EFHC1: variants seen among roughly 807,000 people sequenced by gnomAD.
EFHC1 encodes EF-hand domain containing 1, also known as EF-hand domain-containing protein 1.
EFHC1 carries 53 observed loss-of-function variants against 69.9 expected under a neutral mutation model. The ratio of observed to expected loss-of-function variants is 0.76; its 90% CI spans 0.61 to 0.95. The LOEUF (loss-of-function observed/expected upper bound fraction) is 0.95, where lower values mean the gene tolerates loss of function less well. EFHC1 is among the 40% of genes least tolerant of loss of function. The pLI, the probability that EFHC1 is intolerant of heterozygous loss-of-function variation, is 0.00. For synonymous variants in EFHC1, 256 were observed against 278.4 expected (o/e 0.92, Z 0.80); for missense variants, 739 against 798.7 (o/e 0.93, Z 0.90).
At chr6:52,454,007 T>C (rs1344932379) in intron 4 of EFHC1, 88 bp from the exon 5 acceptor site, 2 of 1,605,718 alleles carry the variant, frequency 1.2e-6, no homozygotes, top group East Asian at 4.5e-5. Context: ...CAGCTAGTCT[T>C]TCCATCGTTG....
At position 52,438,479 on chromosome 6, in the gene EFHC1, T is replaced by C. The variant is rs1764585137; in HGVS notation, c.461T>C (p.Leu154Pro). Residue 154 changes from leucine (L) to proline (P), a missense_variant, in exon 3 of 11, where the codon CTA becomes CCA. Transcript: ENST00000371068. ...GGCAAGTTAATAAAACGCCAGCGGC[T>C]AGCCAAGAATGACCGGGGTGACCAT... ...LQGKLIKRQR[L>P]AKNDRGDHYH... 1 of 1,613,978 alleles carries C rather than the reference T, an allele frequency of 6.2e-7. No homozygotes were observed. The highest frequency in any genetic ancestry group is 8.5e-7 in the Non-Finnish European group (1 of 1,179,994).
At chr6:52,445,987 G>T (rs879214300) in intron 3 of EFHC1, among the ~76,000 whole-genome samples, 1 of 152,166 alleles carries the variant, frequency 6.6e-6, no homozygotes, top group Non-Finnish European at 1.5e-5. Flanking sequence ...CAACTATGTG[G>T]TCAATTTTGG....
intron 9 of EFHC1, chr6:52,486,886 C>T (rs1452159427): frequency 6.6e-6 from 1 of 152,072 alleles, no homozygotes; most frequent in Non-Finnish European, 1.5e-5. Context: ...GTATAATGGA[C>T]TCTTCTCATT....
At chr6:52,441,120 C>T (rs560921733) in intron 3 of EFHC1, among the ~76,000 whole-genome samples, 76 of 152,066 alleles carry the variant, frequency 5.0e-4, no homozygotes, top group Admixed American at 4.6e-4. Flanking sequence ...TTTTGCTCTG[C>T]GGAAGCTCTT....
chr6:52,488,957 G>A (rs1765841405), intron 9 of EFHC1: 1 of 152,136 alleles, frequency 6.6e-6, no homozygotes, highest in African/African-American at 2.4e-5. Context: ...TCTTATAGAT[G>A]TATCTTTGCA....
chr6:52,478,047 C>T (rs1269654012), intron 7 of EFHC1, among the ~76,000 whole-genome samples: 1 of 152,046 alleles, frequency 6.6e-6, no homozygotes, highest in East Asian at 1.9e-4. Context: ...CAATGATAGA[C>T]TGGATTAAGA....
rs1386650558 is a variant in EFHC1, at chr6:52,494,969, T to G, written c.*2628T>G. 1 of 454,082 alleles carries G rather than the reference T, an allele frequency of 2.2e-6. No homozygotes were observed. The highest frequency in any genetic ancestry group is 2.3e-5 in the Admixed American group (1 of 42,582). 28.1% of individuals were successfully genotyped at this position (454,082 alleles called of 1,614,324 possible). A position where few individuals can be genotyped will look rare whatever the true frequency, so the allele number is the denominator to read the frequency against. On this transcript the variant is annotated 3_prime_UTR_variant, in exon 11 of 11. Transcript: ENST00000371068. Reference sequence around the variant, plus strand: ...TTGATTGGCACCTAGGTTGATTCCATGTCCTTTGCTCAGAGCCCCGTTTTG... The same window carrying G: ...TTGATTGGCACCTAGGTTGATTCCAGGTCCTTTGCTCAGAGCCCCGTTTTG...
intron 2 of EFHC1, among the ~76,000 whole-genome samples, chr6:52,435,199 A>G (rs551583888): frequency 2.0e-4 from 31 of 152,278 alleles, no homozygotes; most frequent in Admixed American, 9.8e-4. Context: ...TTGAATGTCT[A>G]ATAAATATCT....
chr6:52,449,380 C>CAA (rs141155248), intron 3 of EFHC1, among the ~76,000 whole-genome samples: 1,279 of 104,408 alleles, frequency 0.012, 21 homozygotes, highest in African/African-American at 0.037. Context: ...GACTCCATCT[C>CAA]AAAAAAAAAA....
chr6:52,458,368 A>G (rs1765090167), intron 5 of EFHC1, among the ~76,000 whole-genome samples: 1 of 152,236 alleles, frequency 6.6e-6, no homozygotes, highest in South Asian at 2.1e-4. Context: ...CAGAGGAAAC[A>G]GCCTACAGAA....
chr6:52,452,939 A>G, intron 4 of EFHC1, 102 bp downstream of exon 4: 2 of 1,601,614 alleles, frequency 1.2e-6, no homozygotes, highest in Admixed American at 1.7e-5. Context: ...ATTTTGAAAC[A>G]TTACAGCTAT....
In EFHC1 at chr6:52,456,643, G is replaced by A. The variant is rs147938864; in HGVS notation, c.916+2356G>A. On this transcript the variant is annotated intron_variant, in intron 5 of 10. Coordinates refer to ENST00000371068, the MANE Select transcript of EFHC1 (RefSeq NM_018100.4). ...AAAAGTAGGAAACAGGCTGGTCGCTGTGGCCGAAGCCTATAATCCCGTCAC... is the reference window on the plus strand; with the variant it reads ...AAAAGTAGGAAACAGGCTGGTCGCTATGGCCGAAGCCTATAATCCCGTCAC... Among the ~76,000 whole-genome samples the A allele has an allele frequency of 7.0e-4, 106 of 152,326 alleles. 2 individuals are homozygous for A. In the East Asian group the frequency reaches 0.019, roughly 27 times the overall value.
chr6:52,456,180 T>C (rs1398978249), intron 5 of EFHC1, among the ~76,000 whole-genome samples: 1 of 152,204 alleles, frequency 6.6e-6, no homozygotes, highest in Non-Finnish European at 1.5e-5. Context: ...ATACTGCTAA[T>C]TCAGCTTGTA....
At chr6:52,440,505 T>C (rs749247125) in intron 3 of EFHC1, among the ~76,000 whole-genome samples, 5 of 152,110 alleles carry the variant, frequency 3.3e-5, no homozygotes, top group Admixed American at 2.6e-4. Context: ...TATGTGTATA[T>C]GTATCACATT....
chr6:52,483,176 A>G (rs980870550), intron 9 of EFHC1: 2 of 258,096 alleles, frequency 7.7e-6, no homozygotes, highest in East Asian at 1.4e-4. Context: ...TTTGTACTTT[A>G]TGCAATTACT....
intron 3 of EFHC1, among the ~76,000 whole-genome samples, chr6:52,445,672 T>C (rs1764768045): frequency 6.6e-6 from 1 of 152,262 alleles, no homozygotes; most frequent in South Asian, 2.1e-4. Flanking sequence ...TTTTAGATCT[T>C]ACCTGCTTTC....
chr6:52,488,672 A>AT (rs1435734758), intron 9 of EFHC1: 2 of 152,146 alleles, frequency 1.3e-5, no homozygotes, highest in Non-Finnish European at 2.9e-5. Flanking sequence ...TCCACTCCCC[A>AT]TAGGTAACTA....
intron 6 of EFHC1, among the ~76,000 whole-genome samples, chr6:52,467,294 G>A (rs1414972200): frequency 1.3e-5 from 2 of 151,116 alleles, no homozygotes; most frequent in African/African-American, 4.9e-5. Context: ...CGATTCTTGT[G>A]CCTCAGCCTC....
intron 4 of EFHC1, 45 bp downstream of exon 4, chr6:52,452,882 TGA>T: frequency 6.2e-7 from 1 of 1,612,946 alleles, no homozygotes; most frequent in Non-Finnish European, 8.5e-7. Context: ...TTTCCAAATG[TGA>T]CCTACATTTA....
Sources: gnomAD v4.1 joint callset for allele counts (sites outside exome capture counted in the v4.1 genomes callset) on GRCh38, gnomAD v4.1.1 for gene constraint, MANE v1.5 for transcripts, NCBI Gene and HGNC (gene_info 2026-07-23, HGNC 2026-07-21) for gene names.